The following INPP4B variants were observed in gnomAD, a reference collection of about 807,000 sequenced individuals.
INPP4B encodes the protein inositol polyphosphate 4-phosphatase type II.
INPP4B carries 55 observed loss-of-function variants against 122.5 expected under a neutral mutation model. The observed-to-expected ratio is 0.45, with a 90% CI of 0.36 to 0.56. The LOEUF (loss-of-function observed/expected upper bound fraction) is 0.56. Among genes scored for constraint, INPP4B ranks in the 20% least tolerant of loss-of-function variants. INPP4B has a pLI of 0.00. For synonymous variants in INPP4B, 403 were observed against 388.7 expected, an observed-to-expected ratio of 1.04 and a Z score of -0.43; for missense variants, 1,000 against 1,097.7, an observed-to-expected ratio of 0.91 and a Z score of 1.26.
intron 2 of INPP4B, among the ~76,000 whole-genome samples, chr4:142,582,559 C>T (rs1012033577): frequency 6.6e-6 from 1 of 152,090 alleles, no homozygotes; most frequent in Non-Finnish European, 1.5e-5. Flanking sequence ...TTCAATGACT[C>T]ATGAAGGGGA....
intron 5 of INPP4B, among the ~76,000 whole-genome samples, chr4:142,421,707 C>A (rs1379821392): frequency 2.0e-5 from 3 of 152,040 alleles, no homozygotes; most frequent in African/African-American, 4.8e-5. Flanking sequence ...TTTCTGAATT[C>A]TCTCATGTTC....
At chr4:142,235,606 T>C (rs994612494) in intron 12 of INPP4B, among the ~76,000 whole-genome samples, 3 of 152,202 alleles carry the variant, frequency 2.0e-5, no homozygotes, top group African/African-American at 7.2e-5. Context: ...TTTGTATTTT[T>C]AGTAGAGATG....
At chr4:142,637,476 C>T (rs1272432284) in intron 2 of INPP4B, among the ~76,000 whole-genome samples, 1 of 152,090 alleles carries the variant, frequency 6.6e-6, no homozygotes, top group Non-Finnish European at 1.5e-5. Flanking sequence ...TTGATTATTT[C>T]ATTTAATAAT....
rs141114574 is a variant in INPP4B at position 142,618,790 on chromosome 4, A to G, written c.-191+107049T>C. Reference sequence around the variant, plus strand: ...TAAACAATCAACAAAATGAAAAGACAATCTGTGGAATGGAGAAAATTTTTT... The same window carrying G: ...TAAACAATCAACAAAATGAAAAGACGATCTGTGGAATGGAGAAAATTTTTT... On this transcript the variant is annotated intron_variant, in intron 2 of 25. Transcript: ENST00000262992. 2.7e-3 allele frequency among the ~76,000 whole-genome samples: 405 copies of G among 152,102 alleles called. 6 individuals are homozygous for G. The highest frequency in any genetic ancestry group is 0.019 in the East Asian group (96 of 5,170).
intron 7 of INPP4B, among the ~76,000 whole-genome samples, chr4:142,378,840 G>A (rs1445424857): frequency 6.6e-6 from 1 of 152,160 alleles, no homozygotes; most frequent in East Asian, 1.9e-4. Context: ...TTTCCAACAT[G>A]AGGTCCCACT....
At chr4:142,397,571 G>A (rs1398197358) in intron 7 of INPP4B, among the ~76,000 whole-genome samples, 1 of 152,168 alleles carries the variant, frequency 6.6e-6, no homozygotes. Context: ...CGGGTGTGAT[G>A]ACTCGTGCCT....
chr4:142,041,804 C>G (rs530450283), intron 25 of INPP4B, among the ~76,000 whole-genome samples: 1 of 152,250 alleles, frequency 6.6e-6, no homozygotes, highest in East Asian at 1.9e-4. Context: ...TTAGTTCAAA[C>G]AAACAGTTCC....
intron 12 of INPP4B, among the ~76,000 whole-genome samples, chr4:142,216,834 T>C (rs1259189474): frequency 6.6e-6 from 1 of 152,036 alleles, no homozygotes; most frequent in Non-Finnish European, 1.5e-5. Context: ...GAGAAATAAT[T>C]AAGTACAGAG....
intron 1 of INPP4B, among the ~76,000 whole-genome samples, chr4:142,769,945 A>C (rs1246050481): frequency 6.6e-6 from 1 of 152,026 alleles, no homozygotes; most frequent in Non-Finnish European, 1.5e-5. Context: ...ATAAAAGTAA[A>C]AGTGCAAATA....
chr4:142,151,308 C>T (rs990203119), intron 17 of INPP4B, among the ~76,000 whole-genome samples: 1 of 151,982 alleles, frequency 6.6e-6, no homozygotes, highest in Non-Finnish European at 1.5e-5. Flanking sequence ...TCAACATCCA[C>T]ACATCAACAC....
At chr4:142,531,997 G>T (rs1827671088) in intron 2 of INPP4B, among the ~76,000 whole-genome samples, 1 of 151,736 alleles carries the variant, frequency 6.6e-6, no homozygotes, top group South Asian at 2.1e-4. Context: ...CCTGTTCTTT[G>T]CCACCACCAT....
intron 2 of INPP4B, among the ~76,000 whole-genome samples, chr4:142,545,734 C>CATATGTGTGTATATATATACACACGT (rs1553955931): frequency 3.6e-5 from 4 of 111,386 alleles, no homozygotes; most frequent in African/African-American, 1.2e-4. Flanking sequence ...TGTATATACA[C>CATATGTGTGTATATATATACACACGT]ATATATGTGT....
intron 24 of INPP4B, among the ~76,000 whole-genome samples, 167 bp downstream of exon 24, chr4:142,085,977 C>T (rs180954442): frequency 6.6e-6 from 1 of 152,260 alleles, no homozygotes; most frequent in East Asian, 1.9e-4. Flanking sequence ...ATGTTCTAGT[C>T]TATGGATAGA....
rs367768547 is a variant in INPP4B at position 142,270,821 on chromosome 4, C to A, written c.504-47G>T. ...ATGGAAAGGTAAGAAGCTTCTCTCT[C>A]CCCCAAAAATATCCAAAACACATTT... On this transcript the variant is annotated intron_variant, in intron 9 of 25. Coordinates refer to ENST00000262992, the MANE Select transcript of INPP4B (RefSeq NM_001101669.3). 496 of 1,263,600 alleles carry A rather than the reference C, an allele frequency of 3.9e-4. 1 individual carries two copies. The highest frequency in any genetic ancestry group is 3.9e-4 in the Admixed American group (23 of 58,312). The allele number at this position is 1,263,600 out of a possible 1,614,324, so 78.3% of individuals were successfully genotyped here. A position where few individuals can be genotyped will look rare whatever the true frequency, so the allele number is the denominator to read the frequency against.
chr4:142,426,084 T>C (rs1562072648), intron 5 of INPP4B, among the ~76,000 whole-genome samples: 1 of 152,034 alleles, frequency 6.6e-6, no homozygotes, highest in South Asian at 2.1e-4. Flanking sequence ...ATTTAATAGG[T>C]ATTAGTATCT....
At chr4:142,170,074 C>T (rs1438871786) in intron 16 of INPP4B, among the ~76,000 whole-genome samples, 1 of 151,260 alleles carries the variant, frequency 6.6e-6, no homozygotes, top group Non-Finnish European at 1.5e-5. Flanking sequence ...GAATTGCATA[C>T]TTTTAGTCTG....
At chr4:142,535,025 CA>C (rs1284629129) in intron 2 of INPP4B, among the ~76,000 whole-genome samples, 1 of 152,126 alleles carries the variant, frequency 6.6e-6, no homozygotes, top group Non-Finnish European at 1.5e-5. Flanking sequence ...CTTATATTAA[CA>C]ATATCTGAAA....
At chr4:142,483,141 T>C (rs1401495444) in intron 2 of INPP4B, among the ~76,000 whole-genome samples, 3 of 141,142 alleles carry the variant, frequency 2.1e-5, no homozygotes. Context: ...AAAATGTCCA[T>C]AATAATAGGA....
At chr4:142,741,615 A>G (rs937175025) in intron 1 of INPP4B, among the ~76,000 whole-genome samples, 1 of 152,082 alleles carries the variant, frequency 6.6e-6, no homozygotes, top group African/African-American at 2.4e-5. Flanking sequence ...AACTTCTAGA[A>G]ATTAAAAATT....
Sources: allele counts gnomAD v4.1 joint callset (sites outside exome capture counted in the v4.1 genomes callset), GRCh38; gene constraint gnomAD v4.1.1; transcripts MANE v1.5; gene names NCBI Gene and HGNC (gene_info 2026-07-23, HGNC 2026-07-21).